The following GSG1L variants were observed in gnomAD, a reference collection of about 807,000 sequenced individuals.
The protein encoded by GSG1L is germ cell-specific gene 1-like protein.
In GSG1L, 24 loss-of-function variants were observed where a neutral mutation model predicts 42.1. That is an observed-to-expected ratio of 0.57 (90% CI 0.41 to 0.80). The LOEUF is 0.80. Among genes scored for constraint, GSG1L ranks in the 30% least tolerant of loss-of-function variants. The probability of loss-of-function intolerance (pLI) is 0.00; values close to 1 mark genes in which losing one functional copy is unlikely to be tolerated. For missense variants in GSG1L, 445 were observed against 472.2 expected (o/e 0.94, Z 0.53); for synonymous variants, 215 against 203.5 (o/e 1.06, Z -0.48).
intron 1 of GSG1L, among the ~76,000 whole-genome samples, chr16:27,966,044 G>C (rs761479755): frequency 1.3e-5 from 2 of 152,040 alleles, no homozygotes; most frequent in African/African-American, 4.8e-5. Flanking sequence ...TAAACGTGCC[G>C]GGCATTCTCC....
chr16:27,963,038 C>T, intron 2 of GSG1L, 118 bp downstream of exon 2: 2 of 826,880 alleles, frequency 2.4e-6, no homozygotes, highest in Non-Finnish European at 4.0e-6. Flanking sequence ...CTCCCAGGGC[C>T]CTGTTGCCCA....
rs764204842 is a variant in GSG1L, at chr16:27,884,535, G to A, written c.501C>T (p.Ile167=). 15 of 1,613,774 alleles carry A rather than the reference G, an allele frequency of 9.3e-6. 1 individual carries two copies. Among genetic ancestry groups the A allele is most frequent in the East Asian group, 4.5e-5 (2 of 44,896 alleles). ...CGAAGGCATTGAGCTTGAGCCCGTCGATGACATTGCTGGAGTGGAAGAGCT... is the reference window on the plus strand; with the variant it reads ...CGAAGGCATTGAGCTTGAGCCCGTCAATGACATTGCTGGAGTGGAAGAGCT... ...CLELFHSSNV[I]DGLKLNAFAA... is the part of the protein sequence containing the mutation. Residue 167 remains isoleucine (I), a synonymous_variant, in exon 3 of 7, where the codon ATC becomes ATT. Coordinates refer to ENST00000447459, the MANE Select transcript of GSG1L (RefSeq NM_001109763.2). This position sits in a 1 kb window ranked among gnomAD's most constrained non-coding sequence, Gnocchi z 4.4.
intron 2 of GSG1L, among the ~76,000 whole-genome samples, chr16:27,898,449 C>G (rs2084217042): frequency 6.7e-6 from 1 of 149,424 alleles, no homozygotes; most frequent in Admixed American, 6.9e-5. Flanking sequence ...GGCAGAAGCA[C>G]GAGAAAGGGG....
intron 5 of GSG1L, among the ~76,000 whole-genome samples, chr16:27,809,578 G>GA (rs33949097): frequency 6.4e-4 from 93 of 145,896 alleles, no homozygotes; most frequent in East Asian, 1.0e-3. Flanking sequence ...CCCCGTCTGA[G>GA]AAAAAAAAAA....
At chr16:27,928,395 C>T (rs1238936070) in intron 2 of GSG1L, among the ~76,000 whole-genome samples, 2 of 152,150 alleles carry the variant, frequency 1.3e-5, no homozygotes, top group Non-Finnish European at 2.9e-5. Flanking sequence ...GCAATGTCGC[C>T]GCCTCTGAGC....
chr16:27,802,648 T>C (rs1014309574), intron 6 of GSG1L, among the ~76,000 whole-genome samples: 4 of 152,126 alleles, frequency 2.6e-5, no homozygotes, highest in African/African-American at 9.6e-5. Flanking sequence ...CCCTTTTGTG[T>C]CACTGTGTCT....
chr16:28,030,204 C>A (rs1235647118), intron 1 of GSG1L, among the ~76,000 whole-genome samples: 3 of 152,228 alleles, frequency 2.0e-5, no homozygotes, highest in Non-Finnish European at 4.4e-5. Context: ...ACCAGCAGCT[C>A]AGTCCGTGAG....
intron 2 of GSG1L, among the ~76,000 whole-genome samples, chr16:27,926,285 G>A (rs2084591382): frequency 6.6e-6 from 1 of 152,164 alleles, no homozygotes. Flanking sequence ...CCAGGCACCA[G>A]GCTAGGAAGG....
intron 1 of GSG1L, among the ~76,000 whole-genome samples, chr16:27,973,371 G>C (rs1458049854): frequency 6.9e-6 from 1 of 145,134 alleles, no homozygotes; most frequent in Non-Finnish European, 1.5e-5. Flanking sequence ...TTGAACCCCG[G>C]AGGTGGAGGT....
chr16:27,998,805 A>G (rs1452446562), intron 1 of GSG1L, among the ~76,000 whole-genome samples: 5 of 151,618 alleles, frequency 3.3e-5, no homozygotes, highest in Admixed American at 1.3e-4. Flanking sequence ...TCAATAAATA[A>G]TTAAAAAAAA....
intron 1 of GSG1L, among the ~76,000 whole-genome samples, chr16:28,041,530 T>C (rs2086106067): frequency 6.6e-6 from 1 of 152,078 alleles, no homozygotes; most frequent in Non-Finnish European, 1.5e-5. Flanking sequence ...TTAGTAGTAG[T>C]CGTGGAATGA....
At chr16:28,015,144 C>G (rs2085765803) in intron 1 of GSG1L, among the ~76,000 whole-genome samples, 1 of 152,074 alleles carries the variant, frequency 6.6e-6, no homozygotes. Context: ...GGCAAGGAAC[C>G]AGGAAATTTG....
intron 2 of GSG1L, among the ~76,000 whole-genome samples, chr16:27,925,801 C>T (rs1323301340): frequency 6.6e-6 from 1 of 152,148 alleles, no homozygotes; most frequent in Non-Finnish European, 1.5e-5. Flanking sequence ...ACCAAGCCCC[C>T]AAAGGAGAGA....
chr16:27,804,280 C>T (rs993795496), intron 6 of GSG1L, among the ~76,000 whole-genome samples: 2 of 152,128 alleles, frequency 1.3e-5, no homozygotes, highest in Admixed American at 1.3e-4. Flanking sequence ...CCTCAGCCAC[C>T]CTGGTCTCCT....
intron 1 of GSG1L, among the ~76,000 whole-genome samples, chr16:28,000,676 T>C (rs1359074593): frequency 6.6e-6 from 1 of 152,140 alleles, no homozygotes; most frequent in African/African-American, 2.4e-5. Context: ...AGCAGCTCTC[T>C]AAGCTTCCCA....
intron 4 of GSG1L, among the ~76,000 whole-genome samples, chr16:27,842,238 A>ACGATGTCGCGCGTGCCG (rs1399172957): frequency 6.6e-6 from 1 of 152,088 alleles, no homozygotes; most frequent in East Asian, 1.9e-4. Flanking sequence ...TATCAGTAGC[A>ACGATGTCGCGCGTGCCG]ACAATATAAG....
intron 1 of GSG1L, among the ~76,000 whole-genome samples, chr16:28,037,004 GGTTGTT>G (rs949042054): frequency 6.6e-6 from 1 of 151,844 alleles, no homozygotes; most frequent in Admixed American, 6.6e-5. Context: ...CTTTATCTTT[GGTTGTT>G]GTTGTTGTTG....
intron 4 of GSG1L, among the ~76,000 whole-genome samples, chr16:27,839,039 C>T (rs1596546121): frequency 6.6e-6 from 1 of 152,230 alleles, no homozygotes; most frequent in Non-Finnish European, 1.5e-5. Context: ...GCAGACTCAA[C>T]CCCTTAAGGG....
chr16:27,880,767 T>G (rs376442200), intron 3 of GSG1L, among the ~76,000 whole-genome samples: 3 of 151,966 alleles, frequency 2.0e-5, no homozygotes, highest in East Asian at 1.9e-4. Flanking sequence ...GACAAACTTT[T>G]GTTTTGTGGC....
Sources: allele counts gnomAD v4.1 joint callset (sites outside exome capture counted in the v4.1 genomes callset), GRCh38; gene constraint gnomAD v4.1.1; non-coding constraint Gnocchi (gnomAD v3.1); transcripts MANE v1.5; gene names NCBI Gene and HGNC (gene_info 2026-07-23, HGNC 2026-07-21).